The following FANCA variants were observed in gnomAD, a reference collection of about 807,000 sequenced individuals.
The protein encoded by FANCA is FA complementation group A.
FANCA carries 236 observed loss-of-function variants against 194.3 expected under a neutral mutation model. That is an observed-to-expected ratio of 1.21 (90% CI 1.09 to 1.35). FANCA has a LOEUF of 1.35. Ranked by LOEUF, FANCA falls within the 40% of genes most tolerant of loss-of-function variation. The pLI, the probability that FANCA is intolerant of heterozygous loss-of-function variation, is 0.00. For missense variants in FANCA, 2,628 were observed against 1,813.9 expected, an observed-to-expected ratio of 1.45 and a Z score of -8.15; for synonymous variants, 1,014 against 715.8, an observed-to-expected ratio of 1.42 and a Z score of -6.65.
intron 15 of FANCA, among the ~76,000 whole-genome samples, chr16:89,783,308 T>A (rs1567629260): frequency 6.6e-6 from 1 of 151,958 alleles, no homozygotes; most frequent in Non-Finnish European, 1.5e-5. Context: ...CCCAGCACTT[T>A]GGGAGGCTGA....
chr16:89,811,726 ATTTTTTTTTG>A (rs1444678898), intron 3 of FANCA, among the ~76,000 whole-genome samples: 54 of 151,240 alleles, frequency 3.6e-4, no homozygotes, highest in East Asian at 2.8e-3. Flanking sequence ...TCCAAAATTA[ATTTTTTTTTG>A]TTTTATTTTT....
intron 30 of FANCA, among the ~76,000 whole-genome samples, chr16:89,753,392 AT>A (rs1226894819): frequency 6.6e-6 from 1 of 152,094 alleles, no homozygotes; most frequent in Admixed American, 6.5e-5. Flanking sequence ...TTGTGTCTTT[AT>A]TTCTACACTC....
intron 33 of FANCA, among the ~76,000 whole-genome samples, chr16:89,747,485 G>A (rs1325627771): frequency 1.3e-5 from 2 of 152,298 alleles, no homozygotes; most frequent in East Asian, 1.9e-4. Flanking sequence ...TGGATCACGA[G>A]GTCAGGAGTT....
Position 89,773,296 on chromosome 16 carries a change from G to A in FANCA, c.1989C>T (p.Ser663=), listed in dbSNP as rs897305000. 10 of 1,551,364 alleles carry A rather than the reference G, an allele frequency of 6.4e-6. No individual in the cohort carries two copies. The highest frequency in any genetic ancestry group is 8.7e-6 in the Non-Finnish European group (10 of 1,146,954). The change falls in exon 22 of 43, where the codon TCC becomes TCT. Residue 663 remains serine (S), a synonymous_variant. Coordinates refer to ENST00000389301, the MANE Select transcript of FANCA (RefSeq NM_000135.4). The stretch of plus-strand genomic sequence containing the variant: ...CATCACGCTGGCTGGGGTCTGTCAT[G>A]GAGGCTCTCAGCTCTCCCAGTGCAG... ...LTAALGELRA[S]MTDPSQRDVI...
intron 8 of FANCA, among the ~76,000 whole-genome samples, chr16:89,802,660 C>G (rs2040497684): frequency 6.6e-6 from 1 of 152,124 alleles, no homozygotes; most frequent in African/African-American, 2.4e-5. Flanking sequence ...GCCTCGTCCT[C>G]CCAAAGTGCT....
rs562125533 is a variant in FANCA at position 89,775,595 on chromosome 16, G to A, written c.1900+147C>T. 10 of 683,672 alleles carry A rather than the reference G, an allele frequency of 1.5e-5. No individual in the cohort carries two copies. The African/African-American group carries it at 1.6e-4, about 11-fold the overall frequency. The allele number at this position is 683,672 out of a possible 1,614,324, so 42.4% of individuals were successfully genotyped here. Reference sequence around the variant, plus strand: ...CACAGCTGGCACTGGGCGTCAGCATGGTGGGCGGACCCTGTACCCAAAGCA... The same window carrying A: ...CACAGCTGGCACTGGGCGTCAGCATAGTGGGCGGACCCTGTACCCAAAGCA... On this transcript the variant is annotated intron_variant, in intron 21 of 42. Transcript: ENST00000389301.
At chr16:89,752,610 T>C (rs2038634843) in intron 30 of FANCA, among the ~76,000 whole-genome samples, 1 of 152,224 alleles carries the variant, frequency 6.6e-6, no homozygotes, top group African/African-American at 2.4e-5. Context: ...GCAATTACTT[T>C]TTATTCCAAT....
Position 89,737,561 on chromosome 16 carries a change from C to A in FANCA, c.*1040G>T. ...CAAGAATCTGTGGTTAAGGAAATAG[C>A]TTTCTGAGGTTTCTTTAAAAACCAT... On this transcript the variant is annotated 3_prime_UTR_variant, in exon 43 of 43. Transcript: ENST00000389301. The A allele has an allele frequency of 1.7e-6, 1 of 588,628 alleles. No homozygotes were observed. The highest frequency in any genetic ancestry group is 2.8e-6 in the Non-Finnish European group (1 of 363,556). The allele number at this position is 588,628 out of a possible 1,614,324, so 36.5% of individuals were successfully genotyped here.
intron 10 of FANCA, 147 bp from the exon 11 acceptor site, chr16:89,796,165 G>T: frequency 1.4e-6 from 1 of 704,174 alleles, no homozygotes; most frequent in Non-Finnish European, 2.6e-6. Flanking sequence ...CCACAGACTT[G>T]AAACTGAATC....
At chr16:89,796,397 G>T (rs571699347) in intron 10 of FANCA, among the ~76,000 whole-genome samples, 3 of 152,142 alleles carry the variant, frequency 2.0e-5, no homozygotes, top group Admixed American at 2.0e-4. Context: ...TCTGTGACAC[G>T]GAACTCCCCC....
Position 89,791,936 on chromosome 16 carries a change from G to C in FANCA, c.1216C>G (p.Leu406Val). The change falls in exon 13 of 43, where the codon CTG (leucine) becomes GTG (valine). Residue 406 changes from leucine (L) to valine (V), a missense_variant. Physicochemically the swap from Leu to Val is conservative, Grantham distance 32. Coordinates refer to ENST00000389301, the MANE Select transcript of FANCA (RefSeq NM_000135.4). ...TCGCGTAAAAGCTCACCTTCAAGCA[G>C]CTGCTGCGCTTCTGGAAAGCAGACA... ...LVVCFPEAQQ[L>V]LEDWVARLMA... 1 of 1,614,142 alleles carries C rather than the reference G, an allele frequency of 6.2e-7. No homozygotes were observed. Among genetic ancestry groups the C allele is most frequent in the Non-Finnish European group, 8.5e-7 (1 of 1,180,016 alleles).
At position 89,810,968 on chromosome 16, in the gene FANCA, C is replaced by A. The variant is rs1181727153; in HGVS notation, c.387G>T (p.Ala129=). 1 of 1,613,964 alleles carries A rather than the reference C, an allele frequency of 6.2e-7. No individual in the cohort carries two copies. The highest frequency in any genetic ancestry group is 8.5e-7 in the Non-Finnish European group (1 of 1,180,054). The change falls in exon 4 of 43, where the codon GCG becomes GCT. Residue 129 remains alanine (A), a synonymous_variant. Transcript: ENST00000389301. The stretch of plus-strand genomic sequence containing the variant: ...TCAGCAGCACAGGGTGACTGGTCTC[C>A]GCTGGAGCCGTGCAGATCTGTCCCA... ...SSVGQICTAP[A]ETSHPVLLTV... is the part of the protein sequence containing the mutation.
intron 11 of FANCA, 123 bp downstream of exon 11, chr16:89,795,783 T>C: frequency 1.3e-6 from 1 of 747,982 alleles, no homozygotes; most frequent in Non-Finnish European, 2.4e-6. Context: ...CAGTCTCTGG[T>C]TCAAGACAGA....
Position 89,810,923 on chromosome 16 carries a change from T to G in FANCA, c.426+6A>C. 6.2e-7 allele frequency: 1 copy of G among 1,614,174 alleles called. No homozygotes were observed. On this transcript the variant is annotated splice_donor_region_variant and intron_variant, in intron 4 of 42. Coordinates refer to ENST00000389301, the MANE Select transcript of FANCA (RefSeq NM_000135.4). ...GCAGGTTTCCTCATCTTTGCTGGTG[T>G]CTTACTCTCTGCTCCACAGTCAGCA...
chr16:89,755,627 A>C (rs902750650), intron 30 of FANCA, among the ~76,000 whole-genome samples: 1 of 152,370 alleles, frequency 6.6e-6, no homozygotes, highest in Non-Finnish European at 1.5e-5. Context: ...CAAGAGAGTG[A>C]AAAAAGAATT....
rs781605892 is a variant in FANCA, at chr16:89,778,860, G to C, written c.1777-10C>G. On this transcript the variant is annotated splice_polypyrimidine_tract_variant and intron_variant, in intron 19 of 42. Transcript: ENST00000389301. ...CAGGGACTTTGGGGAGCTGTGGGAA[G>C]AGAAGAGACCTGTGAGAGACTGACA... is the stretch of plus-strand genomic sequence containing the variant. The C allele has an allele frequency of 3.7e-6, 6 of 1,613,912 alleles. No individual in the cohort carries two copies. The highest frequency in any genetic ancestry group is 1.1e-5 in the South Asian group (1 of 91,084).
rs2038844082 is a variant in FANCA at position 89,758,685 on chromosome 16, GC to G, written c.2872del (p.Ala958ArgfsTer31). On this transcript the variant is annotated frameshift_variant, in exon 30 of 43. Coordinates refer to ENST00000389301, the MANE Select transcript of FANCA (RefSeq NM_000135.4). LOFTEE classifies it high-confidence loss of function. ...DTERQDFHQWAIHEHFLPESS... is the reference protein window; with the variant it reads ...DTERQDFHQWXIHEHFLPESS... ...CTCAGGGAGAAAGTGCTCATGGATC[GC>G]CCACTGGTGGAAGTCCTGCCTAGAA... The G allele has an allele frequency of 6.2e-7, 1 of 1,613,758 alleles. No individual in the cohort carries two copies. The highest frequency in any genetic ancestry group is 8.5e-7 in the Non-Finnish European group (1 of 1,179,782).
At chr16:89,777,224 A>G (rs1344152895) in intron 20 of FANCA, among the ~76,000 whole-genome samples, 2 of 151,896 alleles carry the variant, frequency 1.3e-5, no homozygotes, top group Non-Finnish European at 2.9e-5. Flanking sequence ...GAAGCCCAGG[A>G]GATCAAGGCT....
intron 7 of FANCA, among the ~76,000 whole-genome samples, chr16:89,804,901 G>C (rs949492628): frequency 7.2e-5 from 11 of 152,100 alleles, no homozygotes; most frequent in Admixed American, 5.2e-4. Flanking sequence ...GCCGGGCATG[G>C]TGCCACGTGC....
Sources: gnomAD v4.1 joint callset for allele counts (sites outside exome capture counted in the v4.1 genomes callset) on GRCh38, gnomAD v4.1.1 for gene constraint, MANE v1.5 for transcripts, NCBI Gene and HGNC (gene_info 2026-07-23, HGNC 2026-07-21) for gene names.